ABCA13: variants seen among roughly 807,000 people sequenced by gnomAD.
ABCA13 encodes the protein ATP binding cassette subfamily A member 13, also known as ATP-binding cassette sub-family A member 13.
A neutral mutation model predicts 478.7 loss-of-function variants in ABCA13; 476 were observed. The ratio of observed to expected loss-of-function variants is 0.99; its 90% CI spans 0.92 to 1.07. The LOEUF (loss-of-function observed/expected upper bound fraction) is 1.07, where lower values mean the gene tolerates loss of function less well. Among genes scored for constraint, ABCA13 ranks in the 50% least tolerant of loss-of-function variants. The pLI is 0.00. For synonymous variants in ABCA13, 2,252 were observed against 2,158.9 expected, an observed-to-expected ratio of 1.04 and a Z score of -1.20; for missense variants, 6,060 against 5,910.6, an observed-to-expected ratio of 1.03 and a Z score of -0.83.
chr7:48,318,146 A>G (rs1365804709), intron 27 of ABCA13, among the ~76,000 whole-genome samples: 1 of 152,134 alleles, frequency 6.6e-6, no homozygotes, highest in East Asian at 1.9e-4. Context: ...ATGGGATCAT[A>G]TGAGCAGTTA....
In ABCA13 at chr7:48,403,825, G is replaced by C; in HGVS notation, c.12016G>C (p.Val4006Leu). Reference sequence around the variant, plus strand: ...GGTTCTGGATGAGCCCACCAGTGGGGTGGACCCTTGCTCCCGGCATAGCCT... The same window carrying C: ...GGTTCTGGATGAGCCCACCAGTGGGCTGGACCCTTGCTCCCGGCATAGCCT... ...TVVLDEPTSGVDPCSRHSLWD... is the reference protein window; with the variant it reads ...TVVLDEPTSGLDPCSRHSLWD... Residue 4006 changes from valine to leucine, a missense_variant, in exon 39 of 62, where the codon GTG becomes CTG. Transcript: ENST00000435803. The C allele has an allele frequency of 6.2e-7, 1 of 1,613,846 alleles. No individual in the cohort carries two copies. The highest frequency in any genetic ancestry group is 8.5e-7 in the Non-Finnish European group (1 of 1,179,794).
At chr7:48,618,644 G>C (rs1351327587) in intron 59 of ABCA13, among the ~76,000 whole-genome samples, 1 of 152,148 alleles carries the variant, frequency 6.6e-6, no homozygotes, top group Non-Finnish European at 1.5e-5. Flanking sequence ...TTGGAAGGAA[G>C]GGGTGAAATA....
intron 29 of ABCA13, 72 bp from the exon 30 acceptor site, chr7:48,350,571 C>G (rs1036501385): frequency 1.4e-5 from 19 of 1,387,588 alleles, no homozygotes; most frequent in Non-Finnish European, 2.9e-6. Context: ...TTTGCACAAT[C>G]TCCACTATAT....
chr7:48,175,622 T>C (rs1464895307), intron 1 of ABCA13, among the ~76,000 whole-genome samples: 1 of 152,144 alleles, frequency 6.6e-6, no homozygotes, highest in Admixed American at 6.5e-5. Context: ...AGTTTCACCA[T>C]GTTGGCCAGG....
At chr7:48,383,723 G>T (rs182079384) in intron 35 of ABCA13, among the ~76,000 whole-genome samples, 78 of 152,270 alleles carry the variant, frequency 5.1e-4, no homozygotes, top group African/African-American at 1.8e-3. Context: ...TGAGGAAGCA[G>T]GAAAAAATTC....
At chr7:48,310,545 C>T (rs896780342) in intron 24 of ABCA13, among the ~76,000 whole-genome samples, 8 of 152,130 alleles carry the variant, frequency 5.3e-5, no homozygotes, top group East Asian at 1.9e-4. Flanking sequence ...CACTCCTGAG[C>T]GGCCCGAGTT....
In ABCA13 at chr7:48,239,392, G is replaced by A. The variant is rs777774021; in HGVS notation, c.1049G>A (p.Arg350Gln). 3.7e-6 allele frequency: 6 copies of A among 1,612,870 alleles called. No individual in the cohort carries two copies. The highest frequency in any genetic ancestry group is 1.3e-5 in the African/African-American group (1 of 74,900). ...CTTGTCCATGCAGTCAGCTGGCTGC[G>A]AGTCTACCAACAGGTGCTGTCCCCT... ...NYLVHAVSWL[R>Q]VYQQVFVQWQ... The change falls in exon 9 of 62, where the codon CGA (arginine) becomes CAA (glutamine). Residue 350 changes from arginine to glutamine, a missense_variant. Arg to Gln is a conservative substitution (Grantham distance 43). Transcript: ENST00000435803.
chr7:48,622,502 C>T (rs778258624), intron 59 of ABCA13, among the ~76,000 whole-genome samples: 13 of 152,136 alleles, frequency 8.5e-5, no homozygotes, highest in Admixed American at 2.6e-4. Context: ...TGTGTCCTAA[C>T]GCGCAATACT....
intron 53 of ABCA13, 142 bp downstream of exon 53, chr7:48,520,436 T>A (rs1832464158): frequency 1.9e-6 from 2 of 1,042,842 alleles, no homozygotes; most frequent in Non-Finnish European, 1.3e-6. Context: ...GATTTTATTA[T>A]TTTTTAAACA....
intron 33 of ABCA13, 36 bp downstream of exon 33, chr7:48,372,533 A>AAC: frequency 3.7e-6 from 5 of 1,341,276 alleles, no homozygotes; most frequent in Non-Finnish European, 5.1e-6. Context: ...AAAAAAAAAA[A>AAC]CAACAAAATT....
At chr7:48,236,386 T>C (rs1399126807) in intron 8 of ABCA13, among the ~76,000 whole-genome samples, 1 of 152,220 alleles carries the variant, frequency 6.6e-6, no homozygotes, top group East Asian at 1.9e-4. Context: ...AAATTTATAC[T>C]CTATTTTTAA....
chr7:48,269,881 G>T (rs1481486366), intron 16 of ABCA13, among the ~76,000 whole-genome samples: 2 of 152,124 alleles, frequency 1.3e-5, no homozygotes, highest in Non-Finnish European at 2.9e-5. Flanking sequence ...AACTTCTTAA[G>T]CCCAGCTATT....
intron 45 of ABCA13, among the ~76,000 whole-genome samples, chr7:48,480,503 G>A (rs540297188): frequency 5.4e-4 from 83 of 152,334 alleles, no homozygotes; most frequent in African/African-American, 2.4e-4. Context: ...ACATCATTGC[G>A]CAGCCTCCAG....
At chr7:48,198,404 G>A in intron 3 of ABCA13, 44 bp downstream of exon 3, 1 of 1,608,204 alleles carries the variant, frequency 6.2e-7, no homozygotes, top group African/African-American at 1.3e-5. Context: ...TCAGAAAGCT[G>A]ATACATAGAA....
At chr7:48,601,203 G>A (rs1293563989) in intron 58 of ABCA13, among the ~76,000 whole-genome samples, 1 of 151,688 alleles carries the variant, frequency 6.6e-6, no homozygotes, top group East Asian at 1.9e-4. Flanking sequence ...TACTAATGTG[G>A]TTGTCAGACT....
chr7:48,457,963 T>C (rs1461655091), intron 43 of ABCA13, among the ~76,000 whole-genome samples: 2 of 152,220 alleles, frequency 1.3e-5, no homozygotes, highest in Non-Finnish European at 2.9e-5. Context: ...AGTCAAAAAT[T>C]AGTGGGCGAG....
At chr7:48,358,014 C>T (rs1345626343) in intron 31 of ABCA13, among the ~76,000 whole-genome samples, 2 of 150,920 alleles carry the variant, frequency 1.3e-5, no homozygotes, top group African/African-American at 2.5e-5. Context: ...TGGTGGCACG[C>T]GTCTGTAATC....
intron 26 of ABCA13, among the ~76,000 whole-genome samples, chr7:48,314,766 CGAAGA>C (rs1802306879): frequency 6.6e-6 from 1 of 152,140 alleles, no homozygotes; most frequent in Admixed American, 6.5e-5. Context: ...ATTATAATAA[CGAAGA>C]GAACTTGTCT....
chr7:48,425,986 C>T (rs1821369900), intron 41 of ABCA13, among the ~76,000 whole-genome samples: 1 of 152,146 alleles, frequency 6.6e-6, no homozygotes, highest in Non-Finnish European at 1.5e-5. Flanking sequence ...CGTGATCCGC[C>T]CGCCTCGGCC....
Sources: gnomAD v4.1 joint callset for allele counts (sites outside exome capture counted in the v4.1 genomes callset) on GRCh38, gnomAD v4.1.1 for gene constraint, MANE v1.5 for transcripts, NCBI Gene and HGNC (gene_info 2026-07-23, HGNC 2026-07-21) for gene names.